The following ZNRF3 variants were observed in gnomAD, a reference collection of about 807,000 sequenced individuals.
ZNRF3 encodes E3 ubiquitin-protein ligase ZNRF3.
ZNRF3 carries 23 observed loss-of-function variants against 72.5 expected under a neutral mutation model. The ratio of observed to expected loss-of-function variants is 0.32; its 90% confidence interval spans 0.23 to 0.45. The LOEUF (loss-of-function observed/expected upper bound fraction) is 0.45. Among genes scored for constraint, ZNRF3 ranks in the 20% least tolerant of loss-of-function variants. The pLI, the probability that ZNRF3 is intolerant of heterozygous loss-of-function variation, is 1.00. For missense variants in ZNRF3, 1,169 were observed against 1,272.1 expected, an observed-to-expected ratio of 0.92 and a Z score of 1.23; for synonymous variants, 610 against 545.3, an observed-to-expected ratio of 1.12 and a Z score of -1.65.
chr22:29,039,807 AAATT>A (rs2036928130), intron 2 of ZNRF3, among the ~76,000 whole-genome samples: 1 of 150,516 alleles, frequency 6.6e-6, no homozygotes, highest in South Asian at 2.1e-4. Flanking sequence ...AAAAAAAAAA[AAATT>A]AGCCTGGCAT....
At chr22:28,926,856 T>A (rs1348001302) in intron 1 of ZNRF3, among the ~76,000 whole-genome samples, 1 of 148,792 alleles carries the variant, frequency 6.7e-6, no homozygotes, top group Non-Finnish European at 1.5e-5. Context: ...GCGCGGTAGC[T>A]CACACCTGTA....
At chr22:28,937,174 AATATATATATATATATATATATAT>A (rs61520434) in intron 1 of ZNRF3, among the ~76,000 whole-genome samples, 4 of 78,768 alleles carry the variant, frequency 5.1e-5, no homozygotes, top group African/African-American at 2.0e-4. Context: ...TCTCTCTTAT[AATATATATATATATATATATATAT>A]ATATATATAT....
intron 8 of ZNRF3, 126 bp downstream of exon 8, chr22:29,051,074 A>T: frequency 9.0e-7 from 1 of 1,105,458 alleles, no homozygotes; most frequent in Non-Finnish European, 1.2e-6. Flanking sequence ...CTGAGGCTGA[A>T]GACTTCCAAG....
chr22:28,918,498 G>C (rs905067184), intron 1 of ZNRF3, among the ~76,000 whole-genome samples: 2 of 151,720 alleles, frequency 1.3e-5, no homozygotes, highest in African/African-American at 2.4e-5. Context: ...GTGCGTGTGT[G>C]TGTATGCACA....
At chr22:28,913,124 C>G (rs781295541) in intron 1 of ZNRF3, among the ~76,000 whole-genome samples, 3 of 152,172 alleles carry the variant, frequency 2.0e-5, no homozygotes, top group Non-Finnish European at 4.4e-5. Context: ...GGAGTATGCC[C>G]AAGATGAGCT....
At chr22:28,937,759 G>C (rs1381934890) in intron 1 of ZNRF3, among the ~76,000 whole-genome samples, 1 of 152,174 alleles carries the variant, frequency 6.6e-6, no homozygotes, top group East Asian at 1.9e-4. Flanking sequence ...ACTCGGGAGA[G>C]AACCACTGTT....
intron 1 of ZNRF3, among the ~76,000 whole-genome samples, chr22:28,894,425 G>A (rs1485126829): frequency 2.0e-5 from 3 of 151,002 alleles, no homozygotes; most frequent in Non-Finnish European, 4.4e-5. Context: ...GCATCTGGGT[G>A]CCTCCCTTGT....
chr22:28,897,402 ACT>A (rs1408349166), intron 1 of ZNRF3, among the ~76,000 whole-genome samples: 4 of 151,974 alleles, frequency 2.6e-5, no homozygotes, highest in Admixed American at 6.6e-5. Context: ...TTCACTGCAA[ACT>A]CTGCCTCACG....
intron 1 of ZNRF3, among the ~76,000 whole-genome samples, chr22:28,975,846 G>T (rs1466934586): frequency 2.0e-5 from 3 of 150,990 alleles, no homozygotes; most frequent in Non-Finnish European, 4.4e-5. Context: ...TTGCCAGACC[G>T]CTTCCCCCCA....
chr22:29,002,656 T>A (rs531838041), intron 2 of ZNRF3, among the ~76,000 whole-genome samples: 2 of 152,352 alleles, frequency 1.3e-5, no homozygotes, highest in South Asian at 2.1e-4. Context: ...AGGCCCTTAT[T>A]CTCAGAAGGG....
chr22:29,047,420 G>C (rs1051817566), intron 6 of ZNRF3, among the ~76,000 whole-genome samples: 1 of 152,208 alleles, frequency 6.6e-6, no homozygotes, highest in African/African-American at 2.4e-5. Context: ...CAAACCACTT[G>C]AGAATTACAG....
chr22:28,947,500 A>G (rs983824179), intron 1 of ZNRF3, among the ~76,000 whole-genome samples: 5 of 152,206 alleles, frequency 3.3e-5, no homozygotes, highest in Non-Finnish European at 7.3e-5. Flanking sequence ...TAATTTCTCC[A>G]TACCCTCTCT....
chr22:29,026,093 G>A (rs2036631324), intron 2 of ZNRF3: 1 of 152,068 alleles, frequency 6.6e-6, no homozygotes, highest in African/African-American at 2.4e-5. Context: ...TTGAGTACCA[G>A]GACTGGAACG....
In ZNRF3 at chr22:29,042,491, G is replaced by T. The variant is rs766828078; in HGVS notation, c.427-4G>T. 3.7e-6 allele frequency: 6 copies of T among 1,613,246 alleles called. No homozygotes were observed. The highest frequency in any genetic ancestry group is 4.2e-6 in the Non-Finnish European group (5 of 1,179,840). ...CCAACCTGCTGTTTTTTTAACTCTG[G>T]CAGGCCAAGCGAGCAGTACAGCGGG... On this transcript the variant is annotated splice_region_variant and splice_polypyrimidine_tract_variant and intron_variant, in intron 2 of 8. Transcript: ENST00000544604.
chr22:29,054,877 G>A lies in ZNRF3; in HGVS notation c.*1255G>A, dbSNP rs895975961. 3 of 153,122 alleles carry A rather than the reference G, an allele frequency of 2.0e-5. No individual in the cohort carries two copies. The highest frequency in any genetic ancestry group is 6.5e-5 in the Admixed American group (1 of 15,272). 9.5% of individuals were successfully genotyped at this position (153,122 alleles called of 1,614,324 possible). A position where few individuals can be genotyped will look rare whatever the true frequency, so the allele number is the denominator to read the frequency against. On this transcript the variant is annotated 3_prime_UTR_variant, in exon 9 of 9. Transcript: ENST00000544604. ...TCCCCCACGGAAGCACCGCTTCAGGGTTATTCAGTCCTCTGCCTCATGGCT... is the reference window on the plus strand; with the variant it reads ...TCCCCCACGGAAGCACCGCTTCAGGATTATTCAGTCCTCTGCCTCATGGCT...
chr22:28,985,370 G>A (rs895748989), intron 1 of ZNRF3, among the ~76,000 whole-genome samples: 3 of 151,810 alleles, frequency 2.0e-5, no homozygotes, highest in Admixed American at 6.6e-5. Context: ...ACTCCTCCCC[G>A]GGCTTGGAAC....
chr22:28,899,834 C>T (rs1030921920), intron 1 of ZNRF3, among the ~76,000 whole-genome samples: 7 of 151,870 alleles, frequency 4.6e-5, no homozygotes, highest in Admixed American at 2.0e-4. Flanking sequence ...GGACCACAGG[C>T]GTGCACCACC....
chr22:28,884,117 C>T, intron 1 of ZNRF3, 51 bp downstream of exon 1: 19 of 1,069,908 alleles, frequency 1.8e-5, no homozygotes, highest in South Asian at 3.9e-5. Context: ...AAGATGGCTC[C>T]GGGGGCTGCG....
At chr22:28,952,287 G>A (rs1195716469) in intron 1 of ZNRF3, among the ~76,000 whole-genome samples, 1 of 152,216 alleles carries the variant, frequency 6.6e-6, no homozygotes. Flanking sequence ...ATGTCCCCCA[G>A]GAATGTGGAA....
Sources: gnomAD v4.1 joint callset for allele counts (sites outside exome capture counted in the v4.1 genomes callset) on GRCh38, gnomAD v4.1.1 for gene constraint, MANE v1.5 for transcripts, NCBI Gene and HGNC (gene_info 2026-07-23, HGNC 2026-07-21) for gene names.